Variants in STIM1 observed in about 807,000 individuals in gnomAD.
The protein encoded by STIM1 is stromal interaction molecule 1.
A neutral mutation model predicts 74.7 loss-of-function variants in STIM1; 25 were observed. The ratio of observed to expected loss-of-function variants is 0.33; its 90% CI spans 0.24 to 0.47. STIM1 has a LOEUF of 0.47. Ranked by LOEUF, STIM1 falls within the 20% of genes least tolerant of loss-of-function variation. The probability of loss-of-function intolerance (pLI) is 1.00; values close to 1 mark genes in which losing one functional copy is unlikely to be tolerated. For synonymous variants in STIM1, 328 were observed against 348.8 expected (o/e 0.94, Z 0.66); for missense variants, 728 against 920.8 (o/e 0.79, Z 2.71).
chr11:3,944,836 T>C (rs1279266447), intron 1 of STIM1, among the ~76,000 whole-genome samples: 1 of 152,238 alleles, frequency 6.6e-6, no homozygotes, highest in Non-Finnish European at 1.5e-5. Context: ...CCATCATTTC[T>C]TGCTAGGGTT....
chr11:4,036,209 G>A (rs2094101055), intron 3 of STIM1, among the ~76,000 whole-genome samples: 1 of 152,038 alleles, frequency 6.6e-6, no homozygotes, highest in Non-Finnish European at 1.5e-5. Flanking sequence ...TGGGTGCATA[G>A]TATTCCATGG....
At chr11:4,078,795 T>C (rs2094450278) in intron 7 of STIM1, among the ~76,000 whole-genome samples, 1 of 151,702 alleles carries the variant, frequency 6.6e-6, no homozygotes, top group Admixed American at 6.6e-5. Context: ...GGTCTCGAAC[T>C]CCTGACCTCA....
intron 1 of STIM1, among the ~76,000 whole-genome samples, chr11:3,918,533 CAAAA>C (rs551060009): frequency 4.3e-5 from 5 of 117,224 alleles, no homozygotes; most frequent in East Asian, 2.9e-4. Flanking sequence ...GACACTGTCT[CAAAA>C]AAAAAAAGAA....
intron 2 of STIM1, among the ~76,000 whole-genome samples, chr11:4,009,027 C>A (rs955551513): frequency 2.6e-5 from 4 of 152,134 alleles, no homozygotes; most frequent in Non-Finnish European, 5.9e-5. Context: ...TGCGGTGGCT[C>A]ACGCCTGTAA....
intron 3 of STIM1, among the ~76,000 whole-genome samples, chr11:4,040,673 A>C (rs1590667566): frequency 6.6e-6 from 1 of 152,230 alleles, no homozygotes; most frequent in South Asian, 2.1e-4. Context: ...GCACACAAAA[A>C]TGTGTCCTTG....
At chr11:4,035,914 A>G (rs776562657) in intron 3 of STIM1, among the ~76,000 whole-genome samples, 1 of 138,060 alleles carries the variant, frequency 7.2e-6, no homozygotes, top group Non-Finnish European at 1.5e-5. Context: ...CAGGTTTGTT[A>G]TATAGGTAAA....
chr11:3,899,232 A>G (rs10742188), intron 1 of STIM1, among the ~76,000 whole-genome samples: 44,275 of 147,192 alleles, frequency 0.3, 4,825 homozygotes, highest in South Asian at 0.41. Flanking sequence ...GGTCCTTCAC[A>G]TCCCTTGTAA....
chr11:3,936,325 G>T (rs1392141689), intron 1 of STIM1, among the ~76,000 whole-genome samples: 2 of 152,134 alleles, frequency 1.3e-5, no homozygotes, highest in Non-Finnish European at 2.9e-5. Context: ...TTGTCCTAGT[G>T]GACAAGTGCA....
At chr11:4,086,637 AGGCTACGG>A in intron 12 of STIM1, 94 bp downstream of exon 12, 1 of 1,571,650 alleles carries the variant, frequency 6.4e-7, no homozygotes, top group Non-Finnish European at 8.6e-7. Flanking sequence ...TCAGTTCTGA[AGGCTACGG>A]GACCAGCTCT....
At chr11:3,903,077 T>G (rs1338313400) in intron 1 of STIM1, among the ~76,000 whole-genome samples, 1 of 152,240 alleles carries the variant, frequency 6.6e-6, no homozygotes. Flanking sequence ...ATTAGTAGTT[T>G]ATTCAGATTA....
chr11:4,091,424 G>A lies in STIM1; in HGVS notation c.1777G>A (p.Gly593Arg). The change falls in exon 13 of 13, where the codon GGG (glycine) becomes AGG (arginine). Residue 593 changes from glycine to arginine, a missense_variant. Physicochemically the swap from Gly to Arg is moderately radical, Grantham distance 125 (BLOSUM62 -2). Coordinates refer to ENST00000526596, the MANE Select transcript of STIM1 (RefSeq NM_001382567.1). ...TSNGSHRLIE[G>R]VHPGSLVEKL... ...CAATGGCAGCCACCGGCTGATCGAGGGGGTCCACCCAGGGTCTCTGGTGGA... is the reference window on the plus strand; with the variant it reads ...CAATGGCAGCCACCGGCTGATCGAGAGGGTCCACCCAGGGTCTCTGGTGGA... 1 of 1,614,202 alleles carries A rather than the reference G, an allele frequency of 6.2e-7. No homozygotes were observed. Among genetic ancestry groups the A allele is most frequent in the Admixed American group, 1.7e-5 (1 of 60,022 alleles).
chr11:4,022,513 T>TAA (rs2093965294), intron 2 of STIM1, among the ~76,000 whole-genome samples: 1 of 152,160 alleles, frequency 6.6e-6, no homozygotes, highest in African/African-American at 2.4e-5. Context: ...CTGTGTTGAA[T>TAA]AATAGCGGTG....
chr11:4,084,599 A>C, intron 10 of STIM1, 74 bp from the exon 11 acceptor site: 1 of 1,204,226 alleles, frequency 8.3e-7, no homozygotes, highest in Non-Finnish European at 1.1e-6. Context: ...CCCTTCCTTT[A>C]TTACATTGAT....
At chr11:3,903,164 C>T (rs2092392371) in intron 1 of STIM1, among the ~76,000 whole-genome samples, 1 of 152,044 alleles carries the variant, frequency 6.6e-6, no homozygotes, top group Non-Finnish European at 1.5e-5. Flanking sequence ...AAAACTGAGG[C>T]CTAGAGAACT....
intron 1 of STIM1, among the ~76,000 whole-genome samples, chr11:3,861,423 A>G (rs2090604529): frequency 1.3e-5 from 2 of 151,916 alleles, no homozygotes; most frequent in African/African-American, 4.8e-5. Context: ...TTTAGTAGAG[A>G]CAGGGTTTCA....
chr11:4,006,573 G>A (rs1203279942), intron 2 of STIM1, among the ~76,000 whole-genome samples: 1 of 151,982 alleles, frequency 6.6e-6, no homozygotes, highest in African/African-American at 2.4e-5. Flanking sequence ...AGCCATGATG[G>A]CAGCTATTTT....
At chr11:3,982,877 C>A (rs1476396581) in intron 2 of STIM1, among the ~76,000 whole-genome samples, 2 of 152,120 alleles carry the variant, frequency 1.3e-5, no homozygotes, top group African/African-American at 4.8e-5. Context: ...CATAACAATC[C>A]TTAGGGCCCT....
intron 1 of STIM1, among the ~76,000 whole-genome samples, chr11:3,954,555 G>A (rs1234789481): frequency 6.6e-6 from 1 of 152,158 alleles, no homozygotes; most frequent in African/African-American, 2.4e-5. Flanking sequence ...GAAAAATATA[G>A]GTTGTTTTGA....
At chr11:4,038,988 A>C (rs905241953) in intron 3 of STIM1, among the ~76,000 whole-genome samples, 3 of 152,212 alleles carry the variant, frequency 2.0e-5, no homozygotes, top group Non-Finnish European at 4.4e-5. Flanking sequence ...AATAGTAATC[A>C]TGTTATTTTG....
Sources: allele counts gnomAD v4.1 joint callset (sites outside exome capture counted in the v4.1 genomes callset), GRCh38; gene constraint gnomAD v4.1.1; transcripts MANE v1.5; gene names NCBI Gene and HGNC (gene_info 2026-07-23, HGNC 2026-07-21).